RHPN1: variants seen among roughly 807,000 people sequenced by gnomAD.
RHPN1 encodes rhophilin-1.
Under a neutral mutation model 74.7 loss-of-function variants are expected in RHPN1, and 77 were observed. The observed-to-expected ratio is 1.03, with a 90% CI of 0.86 to 1.25. The LOEUF is 1.25. Ranked by LOEUF, RHPN1 falls within the 50% of genes most tolerant of loss-of-function variation. The pLI is 0.00. For missense variants in RHPN1, 987 were observed against 932.2 expected (o/e 1.06, Z -0.77); for synonymous variants, 444 against 414.5 (o/e 1.07, Z -0.87).
intron 12 of RHPN1, 60 bp from the exon 13 acceptor site, chr8:143,381,512 C>T: frequency 6.5e-7 from 1 of 1,550,012 alleles, no homozygotes; most frequent in East Asian, 2.3e-5. Flanking sequence ...ATGTGCTAGT[C>T]AGGCGGGGTC....
chr8:143,364,363 C>T (rs1380348134), upstream of RHPN1, among the ~76,000 whole-genome samples: 1 of 151,694 alleles, frequency 6.6e-6, no homozygotes, highest in Non-Finnish European at 1.5e-5. This position sits in a 1 kb window ranked among gnomAD's most constrained non-coding sequence, Gnocchi z 4.5. Flanking sequence ...ACACTCAGCA[C>T]CCAGGAGGGA....
chr8:143,377,437 C>T lies in RHPN1; in HGVS notation c.363C>T (p.Asp121=). 1.2e-6 allele frequency: 2 copies of T among 1,612,888 alleles called. No homozygotes were observed. Among genetic ancestry groups the T allele is most frequent in the South Asian group, 2.2e-5 (2 of 91,066 alleles). The change falls in exon 4 of 15, where the codon GAC becomes GAT. Residue 121 remains aspartate (D), a synonymous_variant. Transcript: ENST00000289013. The part of the protein sequence containing the change: ...PLGLKETKEL[D]WSTPLKELIS... ...GCCTGAAGGAGACCAAGGAGCTGGA[C>T]TGGTCTACACCGCTGAAGGTAGGTA...
chr8:143,379,163 G>T (rs986005286), intron 7 of RHPN1, 85 bp downstream of exon 7: 1 of 1,410,276 alleles, frequency 7.1e-7, no homozygotes, highest in Non-Finnish European at 9.3e-7. Context: ...GCTGGGGAGT[G>T]GTTAGGACAT....
chr8:143,381,856 C>G lies in RHPN1; in HGVS notation c.1685C>G (p.Pro562Arg). 3 of 1,613,004 alleles carry G rather than the reference C, an allele frequency of 1.9e-6. No homozygotes were observed. Among genetic ancestry groups the G allele is most frequent in the Non-Finnish European group, 2.5e-6 (3 of 1,179,740 alleles). The change falls in exon 14 of 15, where the codon CCA becomes CGA. Residue 562 changes from proline to arginine, a missense_variant. Coordinates refer to ENST00000289013, the MANE Select transcript of RHPN1 (RefSeq NM_052924.3). ...TACATTGTGTCAGTGAATGGGCAGC[C>G]ATGCAGGTGGTGGAGACACGCGGAG... Reference protein sequence around the residue: ...GDYIVSVNGQPCRWWRHAEVV... With the variant: ...GDYIVSVNGQRCRWWRHAEVV...
At chr8:143,365,253 A>G (rs1424564272), upstream of RHPN1, among the ~76,000 whole-genome samples, 1 of 152,224 alleles carries the variant, frequency 6.6e-6, no homozygotes, top group East Asian at 1.9e-4. Context: ...ATCAGCATCA[A>G]ATCATCAACT....
At chr8:143,377,685 A>G (rs1290422309) in intron 4 of RHPN1, among the ~76,000 whole-genome samples, 1 of 152,130 alleles carries the variant, frequency 6.6e-6, no homozygotes. Flanking sequence ...GGCTGATCCC[A>G]TAGAGTGGGT....
In RHPN1 at chr8:143,379,644, G is replaced by C. The variant is rs75446900; in HGVS notation, c.945+136G>C. 6,396 of 1,445,260 alleles carry C rather than the reference G, an allele frequency of 4.4e-3. 245 individuals carry two copies. In the African/African-American group the frequency reaches 0.081, roughly 18 times the overall value. 89.5% of individuals were successfully genotyped at this position (1,445,260 alleles called of 1,614,324 possible). On this transcript the variant is annotated intron_variant, in intron 8 of 14. Transcript: ENST00000289013. ...GAGCCAGCTGTTGTCCTGCTCCCTG[G>C]GGGGGCTGGTCAGGAACCTGGGGAC...
chr8:143,364,930 CCATT>C (rs1246253408), upstream of RHPN1, among the ~76,000 whole-genome samples: 1 of 152,214 alleles, frequency 6.6e-6, no homozygotes, highest in Non-Finnish European at 1.5e-5. This position sits in a 1 kb window ranked among gnomAD's most constrained non-coding sequence, Gnocchi z 4.5. Context: ...ACCTGTTACT[CCATT>C]CATCACAGTT....
chr8:143,378,385 T>TGGGA (rs1818435108), intron 5 of RHPN1, 39 bp downstream of exon 5: 3 of 1,000,840 alleles, frequency 3.0e-6, no homozygotes, highest in Admixed American at 3.4e-5. Context: ...CCTGCAGCCC[T>TGGGA]GGGAGACACA....
chr8:143,381,819 A>T lies in RHPN1; in HGVS notation c.1648A>T (p.Lys550Ter), dbSNP rs778789537. 6.2e-7 allele frequency: 1 copy of T among 1,612,742 alleles called. No homozygotes were observed. The highest frequency in any genetic ancestry group is 8.5e-7 in the Non-Finnish European group (1 of 1,179,646). Residue 550 changes from lysine to a stop codon, truncating the protein, a stop_gained, in exon 14 of 15, where the codon AAG (lysine) becomes TAG (stop). Coordinates refer to ENST00000289013, the MANE Select transcript of RHPN1 (RefSeq NM_052924.3). LOFTEE classifies it high-confidence loss of function. ...PGSQAAAAGL[K>*]EGDYIVSVNG... ...AGTCTCCCCACAGGCGGCTGGCCTG[A>T]AGGAGGGCGACTACATTGTGTCAGT...
chr8:143,379,772 A>G (rs1818572818), intron 8 of RHPN1, 57 bp from the exon 9 acceptor site: 1 of 1,546,572 alleles, frequency 6.5e-7, no homozygotes, highest in Non-Finnish European at 8.7e-7. Context: ...GGTAGGGAGA[A>G]GCAGGCACCA....
In RHPN1 at chr8:143,369,104, GC is replaced by G. The variant is rs1006052406; in HGVS notation, c.60+64del. 7.3e-5 allele frequency: 99 copies of G among 1,351,702 alleles called. 1 individual carries two copies. In the East Asian group the frequency reaches 2.1e-3, roughly 28 times the overall value. 83.7% of individuals were successfully genotyped at this position (1,351,702 alleles called of 1,614,324 possible). On this transcript the variant is annotated intron_variant, in intron 1 of 14. Coordinates refer to ENST00000289013, the MANE Select transcript of RHPN1 (RefSeq NM_052924.3). ...GGGCCCGGAATCCCGGCCTTTTCCT[GC>G]CCCCCCTCGAGGCGCGTTCCGGGCG...
At chr8:143,378,861 C>T in intron 6 of RHPN1, 41 bp downstream of exon 6, 1 of 1,570,296 alleles carries the variant, frequency 6.4e-7, no homozygotes, top group Non-Finnish European at 8.6e-7. Context: ...GGAGGGGAGG[C>T]CCAGCTGCGG....
chr8:143,365,749 G>C (rs1199385169), upstream of RHPN1, among the ~76,000 whole-genome samples: 1 of 151,950 alleles, frequency 6.6e-6, no homozygotes, highest in Non-Finnish European at 1.5e-5. Flanking sequence ...TGTAATCCCA[G>C]CACTTTGGGA....
chr8:143,379,728 C>T, intron 8 of RHPN1, 101 bp from the exon 9 acceptor site: 8 of 1,473,214 alleles, frequency 5.4e-6, no homozygotes, highest in South Asian at 1.4e-5. Context: ...GCCAGGGAGG[C>T]TGCTGGGATG....
intron 2 of RHPN1, among the ~76,000 whole-genome samples, chr8:143,376,052 C>T (rs767980047): frequency 1.4e-4 from 22 of 152,230 alleles, no homozygotes; most frequent in Non-Finnish European, 2.2e-4. Context: ...TAGAGCACAC[C>T]GCCTGTGTGC....
rs375580422 is a variant in RHPN1, at chr8:143,376,728, C to T, written c.305+75C>T. 231 of 1,446,394 alleles carry T rather than the reference C, an allele frequency of 1.6e-4. 1 individual carries two copies. Among genetic ancestry groups the T allele is most frequent in the African/African-American group, 1.2e-3 (79 of 68,432 alleles). 89.6% of individuals were successfully genotyped at this position (1,446,394 alleles called of 1,614,324 possible). On this transcript the variant is annotated intron_variant, in intron 3 of 14. Coordinates refer to ENST00000289013, the MANE Select transcript of RHPN1 (RefSeq NM_052924.3). ...GCGTGTGTGTGTGCATGTGTGTGCA[C>T]GCATGTGTGTCTCTGTGTGTATATG...
At chr8:143,375,075 G>C (rs1586812732) in intron 1 of RHPN1, among the ~76,000 whole-genome samples, 1 of 152,226 alleles carries the variant, frequency 6.6e-6, no homozygotes, top group African/African-American at 2.4e-5. Flanking sequence ...TTGAGCCCAC[G>C]CCTAAACCCA....
intron 1 of RHPN1, chr8:143,374,160 C>G: frequency 1.0e-6 from 1 of 985,428 alleles, no homozygotes; most frequent in Non-Finnish European, 1.2e-6. Context: ...CCCAGGAAAA[C>G]ACGTGTGAGC....
Sources: gnomAD v4.1 joint callset for allele counts (sites outside exome capture counted in the v4.1 genomes callset) on GRCh38, gnomAD v4.1.1 for gene constraint, Gnocchi (gnomAD v3.1) non-coding constraint, MANE v1.5 for transcripts, NCBI Gene and HGNC (gene_info 2026-07-23, HGNC 2026-07-21) for gene names.